CCDC138: variants seen among roughly 807,000 people sequenced by gnomAD.
The protein encoded by CCDC138 is coiled-coil domain-containing protein 138.
Under a neutral mutation model 82.3 loss-of-function variants are expected in CCDC138, and 66 were observed. The observed-to-expected ratio is 0.80, with a 90% CI of 0.66 to 0.98. The LOEUF (loss-of-function observed/expected upper bound fraction) is 0.98. Among genes scored for constraint, CCDC138 ranks in the 50% least tolerant of loss-of-function variants. The probability of loss-of-function intolerance (pLI) is 0.00; values close to 1 mark genes in which losing one functional copy is unlikely to be tolerated. For synonymous variants in CCDC138, 297 were observed against 265.4 expected (o/e 1.12, Z -1.16); for missense variants, 816 against 758.9 (o/e 1.08, Z -0.88).
At chr2:108,803,852 G>A (rs1682398177) in intron 6 of CCDC138, among the ~76,000 whole-genome samples, 1 of 152,186 alleles carries the variant, frequency 6.6e-6, no homozygotes, top group African/African-American at 2.4e-5. Context: ...TGCTGTGCTA[G>A]AAATGGAATG....
chr2:108,832,464 C>T (rs528637713), intron 10 of CCDC138, among the ~76,000 whole-genome samples: 5 of 151,372 alleles, frequency 3.3e-5, no homozygotes, highest in East Asian at 3.9e-4. Flanking sequence ...TCTCCTGCCT[C>T]GGCCTCCCAA....
intron 6 of CCDC138, among the ~76,000 whole-genome samples, chr2:108,799,708 A>G (rs1490426641): frequency 1.3e-5 from 2 of 152,160 alleles, no homozygotes; most frequent in Non-Finnish European, 2.9e-5. Flanking sequence ...CCAATATTTC[A>G]TCAAATATTT....
chr2:108,789,592 A>C (rs1230098339), intron 3 of CCDC138, among the ~76,000 whole-genome samples: 1 of 152,176 alleles, frequency 6.6e-6, no homozygotes, highest in African/African-American at 2.4e-5. Context: ...AACTGTCCTG[A>C]AGAAAGAAAA....
intron 6 of CCDC138, among the ~76,000 whole-genome samples, chr2:108,803,043 AG>A (rs2149642460): frequency 6.6e-6 from 1 of 152,302 alleles, no homozygotes; most frequent in South Asian, 2.1e-4. Flanking sequence ...TGCCTCTTAA[AG>A]GTTGGTCTGA....
At chr2:108,829,036 A>G (rs905067471) in intron 10 of CCDC138, among the ~76,000 whole-genome samples, 4 of 152,192 alleles carry the variant, frequency 2.6e-5, no homozygotes, top group African/African-American at 7.2e-5. Context: ...AATTAAAACT[A>G]TAAAACTCTT....
chr2:108,831,737 C>CTTCCTTCCTTCCTTCT lies in CCDC138; in HGVS notation c.1207-7448_1207-7447insTTCCTTCCTTCCTTCT, dbSNP rs59778677. 4.6e-5 allele frequency among the ~76,000 whole-genome samples: 7 copies of CTTCCTTCCTTCCTTCT among 151,798 alleles called. No individual in the cohort carries two copies. In the South Asian group the frequency reaches 1.5e-3, roughly 32 times the overall value. ...CCTTCCTTCCTTCCTTCCTTCCTTC[C>CTTCCTTCCTTCCTTCT]GTCCTTCCTGTTGAAACGAAGTTTC... is the stretch of plus-strand genomic sequence containing the variant. On this transcript the variant is annotated intron_variant, in intron 10 of 14. Coordinates refer to ENST00000295124, the MANE Select transcript of CCDC138 (RefSeq NM_144978.3).
intron 1 of CCDC138, chr2:108,882,390 C>T (rs1017410331): frequency 6.6e-6 from 1 of 152,106 alleles, no homozygotes; most frequent in East Asian, 1.9e-4. Flanking sequence ...ATTAGGTATG[C>T]CTGTATGGAA....
intron 2 of CCDC138, chr2:108,884,262 C>G (rs1035766020): frequency 3.3e-5 from 5 of 152,174 alleles, no homozygotes; most frequent in African/African-American, 4.8e-5. Context: ...CTTTACCTGT[C>G]AAGCAGGGAC....
At chr2:108,849,163 C>T (rs1415461489) in intron 12 of CCDC138, among the ~76,000 whole-genome samples, 1 of 151,790 alleles carries the variant, frequency 6.6e-6, no homozygotes, top group East Asian at 1.9e-4. Flanking sequence ...TAGAAACTGT[C>T]CAAAATGAAT....
intron 1 of CCDC138, chr2:108,882,106 A>G (rs1324623568): frequency 1.3e-5 from 2 of 152,524 alleles, no homozygotes; most frequent in African/African-American, 4.8e-5. Context: ...GTGAGCTATG[A>G]TCACACCAAT....
At chr2:108,841,108 T>C (rs544181396) in intron 11 of CCDC138, among the ~76,000 whole-genome samples, 1 of 152,292 alleles carries the variant, frequency 6.6e-6, no homozygotes, top group African/African-American at 2.4e-5. Context: ...AGTACTGGGA[T>C]TACAGGTGTG....
intron 10 of CCDC138, among the ~76,000 whole-genome samples, chr2:108,834,686 CA>C (rs1424470496): frequency 1.2e-4 from 18 of 152,196 alleles, no homozygotes; most frequent in Admixed American, 2.0e-4. Flanking sequence ...GTACAACCAT[CA>C]TCGCTATCAA....
At chr2:108,791,028 C>T (rs1423004824) in intron 3 of CCDC138, among the ~76,000 whole-genome samples, 4 of 152,112 alleles carry the variant, frequency 2.6e-5, no homozygotes, top group African/African-American at 9.7e-5. Context: ...TCCCAAAGTG[C>T]TGAGATCACA....
chr2:108,881,650 C>A (rs1217284930), intron 1 of CCDC138, among the ~76,000 whole-genome samples: 1 of 152,134 alleles, frequency 6.6e-6, no homozygotes, highest in Non-Finnish European at 1.5e-5. Context: ...CACTTGGACA[C>A]TTAGAGGGCA....
chr2:108,879,947 G>A (rs988687005), downstream of CCDC138, among the ~76,000 whole-genome samples: 36 of 152,080 alleles, frequency 2.4e-4, no homozygotes, highest in Admixed American at 7.9e-4. Flanking sequence ...GCAGGGTGGT[G>A]GACTATATCT....
intron 12 of CCDC138, among the ~76,000 whole-genome samples, chr2:108,851,842 A>G (rs530730021): frequency 1.3e-5 from 2 of 152,150 alleles, no homozygotes; most frequent in Non-Finnish European, 2.9e-5. Context: ...TATATATATC[A>G]TAACACCACA....
intron 12 of CCDC138, among the ~76,000 whole-genome samples, chr2:108,852,707 C>T (rs577457955): frequency 6.6e-6 from 1 of 152,106 alleles, no homozygotes; most frequent in East Asian, 1.9e-4. Flanking sequence ...ATGATGAGAA[C>T]ACATGGATAC....
At chr2:108,810,537 T>C (rs1683617365) in intron 7 of CCDC138, among the ~76,000 whole-genome samples, 1 of 152,204 alleles carries the variant, frequency 6.6e-6, no homozygotes, top group South Asian at 2.1e-4. Context: ...ATATTATCTT[T>C]TTGGTGTGTT....
intron 12 of CCDC138, among the ~76,000 whole-genome samples, chr2:108,851,459 GC>G (rs1273611828): frequency 6.6e-6 from 1 of 152,060 alleles, no homozygotes; most frequent in Non-Finnish European, 1.5e-5. Context: ...CTGCCACCAT[GC>G]CCAGCTAATT....
Sources: gnomAD v4.1 joint callset for allele counts (sites outside exome capture counted in the v4.1 genomes callset) on GRCh38, gnomAD v4.1.1 for gene constraint, MANE v1.5 for transcripts, NCBI Gene and HGNC (gene_info 2026-07-23, HGNC 2026-07-21) for gene names.